Variants in ITPR1 observed in about 807,000 individuals in gnomAD.
The protein encoded by ITPR1 is inositol 1,4,5-trisphosphate-gated calcium channel ITPR1.
ITPR1 carries 96 observed loss-of-function variants against 318.4 expected under a neutral mutation model. The ratio of observed to expected loss-of-function variants is 0.30; its 90% CI spans 0.26 to 0.36. ITPR1 has a LOEUF of 0.36. ITPR1 is among the 10% of genes least tolerant of loss of function. ITPR1 has a pLI of 1.00. For synonymous variants in ITPR1, 1,312 were observed against 1,289.9 expected (o/e 1.02, Z -0.37); for missense variants, 2,440 against 3,460.2 (o/e 0.71, Z 7.40).
intron 42 of ITPR1, among the ~76,000 whole-genome samples, chr3:4,730,371 A>ATGTGTGTG (rs369249391): frequency 3.7e-4 from 21 of 57,310 alleles, no homozygotes; most frequent in African/African-American, 4.5e-4. Flanking sequence ...GTTGGGTGGA[A>ATGTGTGTG]TGTGTGTGTG....
chr3:4,701,796 G>A (rs751324807), intron 35 of ITPR1, among the ~76,000 whole-genome samples: 3 of 152,274 alleles, frequency 2.0e-5, no homozygotes, highest in Non-Finnish European at 2.9e-5. Flanking sequence ...CTCACACATA[G>A]CATGCCCTTA....
intron 32 of ITPR1, among the ~76,000 whole-genome samples, chr3:4,692,389 A>T (rs1389222031): frequency 6.6e-6 from 1 of 152,204 alleles, no homozygotes; most frequent in Non-Finnish European, 1.5e-5. Context: ...AGTCCTAAGC[A>T]GTTTGTCTAT....
chr3:4,532,046 G>A (rs560320051), intron 4 of ITPR1, among the ~76,000 whole-genome samples: 10 of 152,164 alleles, frequency 6.6e-5, no homozygotes, highest in Non-Finnish European at 1.5e-4. Flanking sequence ...AAGCACTTAC[G>A]GGACTACCTG....
intron 2 of ITPR1, among the ~76,000 whole-genome samples, chr3:4,498,220 A>C (rs1385899873): frequency 6.6e-6 from 1 of 152,362 alleles, no homozygotes; most frequent in Non-Finnish European, 1.5e-5. Context: ...CAGTAATTTT[A>C]AAAAGCAACA....
At chr3:4,526,157 C>T (rs1486252410) in intron 4 of ITPR1, among the ~76,000 whole-genome samples, 1 of 152,196 alleles carries the variant, frequency 6.6e-6, no homozygotes, top group African/African-American at 2.4e-5. Context: ...GTTACCATAT[C>T]AATAATATCA....
At chr3:4,648,310 T>G (rs2093512610) in intron 10 of ITPR1, among the ~76,000 whole-genome samples, 2 of 152,234 alleles carry the variant, frequency 1.3e-5, no homozygotes, top group Non-Finnish European at 2.9e-5. Flanking sequence ...TTAGTTACTC[T>G]ATGTGTCTAC....
intron 4 of ITPR1, among the ~76,000 whole-genome samples, chr3:4,550,722 A>G (rs1394454022): frequency 6.6e-6 from 1 of 152,090 alleles, no homozygotes; most frequent in Non-Finnish European, 1.5e-5. Flanking sequence ...TCTACAAAAA[A>G]TTAAAAAGTT....
intron 44 of ITPR1, among the ~76,000 whole-genome samples, chr3:4,742,288 A>G (rs896012026): frequency 6.6e-6 from 1 of 152,202 alleles, no homozygotes; most frequent in South Asian, 2.1e-4. Context: ...CTGCAAAATG[A>G]GGGTTGGAAA....
chr3:4,580,070 C>T (rs1478188348), intron 4 of ITPR1, among the ~76,000 whole-genome samples: 4 of 151,942 alleles, frequency 2.6e-5, no homozygotes, highest in East Asian at 1.9e-4. Context: ...ATTAGCTGGG[C>T]GTAGTGGCAG....
Position 4,779,886 on chromosome 3 carries a change from A to T in ITPR1, c.6387+241A>T. Among the ~76,000 whole-genome samples the T allele has an allele frequency of 6.8e-6, 1 of 147,870 alleles. No homozygotes were observed. Among genetic ancestry groups the T allele is most frequent in the East Asian group, 2.2e-4 (1 of 4,558 alleles). The stretch of plus-strand genomic sequence containing the variant: ...AACCACTATTACTTTTGCCGTTGAA[A>T]GTAATGGCAAAAACCGCGATTACTT... On this transcript the variant is annotated intron_variant, in intron 49 of 61. Coordinates refer to ENST00000649015, the MANE Select transcript of ITPR1 (RefSeq NM_001378452.1). The surrounding 1 kb of genome is among the most constrained non-coding windows in gnomAD (Gnocchi z 4.0).
intron 4 of ITPR1, among the ~76,000 whole-genome samples, chr3:4,599,010 T>C (rs891343330): frequency 4.0e-5 from 5 of 123,770 alleles, no homozygotes; most frequent in Non-Finnish European, 8.5e-5. Flanking sequence ...ACTGATGAGC[T>C]TTTTTTTTTT....
At chr3:4,676,868 C>G in intron 24 of ITPR1, 67 bp downstream of exon 24, 1 of 1,261,716 alleles carries the variant, frequency 7.9e-7, no homozygotes. Flanking sequence ...TCCAGTCCCT[C>G]TGTTCTGATG....
chr3:4,545,159 A>G (rs2084846359), intron 4 of ITPR1, among the ~76,000 whole-genome samples: 1 of 152,212 alleles, frequency 6.6e-6, no homozygotes, highest in African/African-American at 2.4e-5. Context: ...AATAATTTTC[A>G]CCCTCGAACA....
At chr3:4,502,433 G>A (rs2470501) in intron 2 of ITPR1, among the ~76,000 whole-genome samples, 11,291 of 150,904 alleles carry the variant, frequency 0.075, 535 homozygotes, top group Non-Finnish European at 0.11. Context: ...CTAATTTTTT[G>A]TACCCCTCTC....
intron 53 of ITPR1, 39 bp from the exon 54 acceptor site, chr3:4,800,386 G>T (rs2125423141): frequency 6.2e-7 from 1 of 1,600,342 alleles, no homozygotes; most frequent in Non-Finnish European, 8.5e-7. Context: ...ACTCAGTGAA[G>T]GCACAGATTT....
At chr3:4,533,026 C>T (rs778112306) in intron 4 of ITPR1, among the ~76,000 whole-genome samples, 17 of 152,104 alleles carry the variant, frequency 1.1e-4, no homozygotes, top group East Asian at 1.9e-4. Context: ...GTTTTCCCAC[C>T]GAAGGACCCA....
chr3:4,512,083 G>T (rs1359589972), intron 2 of ITPR1, among the ~76,000 whole-genome samples: 2 of 152,116 alleles, frequency 1.3e-5, no homozygotes, highest in Non-Finnish European at 2.9e-5. Context: ...GAGCTCCCAG[G>T]CTCAAGTGAT....
chr3:4,651,468 T>C (rs1039988261), intron 10 of ITPR1, among the ~76,000 whole-genome samples: 9 of 152,196 alleles, frequency 5.9e-5, no homozygotes, highest in African/African-American at 2.2e-4. Flanking sequence ...ATCAAAGCAA[T>C]AGCCAAGCTG....
At chr3:4,693,805 C>G (rs1250498050) in intron 33 of ITPR1, 64 bp downstream of exon 33, 1 of 1,525,760 alleles carries the variant, frequency 6.6e-7, no homozygotes, top group Non-Finnish European at 8.9e-7. Flanking sequence ...TCGTGGCTCA[C>G]TGGGAGACAT....
Sources: gnomAD v4.1 joint callset for allele counts (sites outside exome capture counted in the v4.1 genomes callset) on GRCh38, gnomAD v4.1.1 for gene constraint, Gnocchi (gnomAD v3.1) non-coding constraint, MANE v1.5 for transcripts, NCBI Gene and HGNC (gene_info 2026-07-23, HGNC 2026-07-21) for gene names.